The following EYA3 variants were observed in gnomAD, a reference collection of about 807,000 sequenced individuals.
EYA3 encodes EYA transcriptional coactivator and phosphatase 3.
A neutral mutation model predicts 80.0 loss-of-function variants in EYA3; 39 were observed. The ratio of observed to expected loss-of-function variants is 0.49; its 90% confidence interval spans 0.38 to 0.64. The LOEUF (loss-of-function observed/expected upper bound fraction) is 0.64, where lower values mean the gene tolerates loss of function less well. EYA3 is among the 30% of genes least tolerant of loss of function. The pLI, the probability that EYA3 is intolerant of heterozygous loss-of-function variation, is 0.00. For synonymous variants in EYA3, 206 were observed against 232.8 expected (o/e 0.88, Z 1.05); for missense variants, 523 against 676.1 (o/e 0.77, Z 2.51).
chr1:28,040,988 G>A (rs955525690), intron 4 of EYA3, among the ~76,000 whole-genome samples: 5 of 152,118 alleles, frequency 3.3e-5, no homozygotes, highest in African/African-American at 1.2e-4. Flanking sequence ...AAGTCCTTGG[G>A]GAAGGTAAAA....
In EYA3 at chr1:28,085,464, A is replaced by C. The variant is rs575488005; in HGVS notation, c.-69+3060T>G. On this transcript the variant is annotated intron_variant, in intron 1 of 17. Coordinates refer to ENST00000373871, the MANE Select transcript of EYA3 (RefSeq NM_001990.4). ...GTTTTGTTTTGTTTTTTGTCTCAAA[A>C]AAACAAACAAACAAACAAAAAACTA... is the stretch of plus-strand genomic sequence containing the variant. Among the ~76,000 whole-genome samples the C allele has an allele frequency of 2.1e-4, 32 of 152,306 alleles. 1 individual carries two copies. The highest frequency in any genetic ancestry group is 6.2e-4 in the South Asian group (3 of 4,818).
At chr1:28,053,153 C>CAAAAAA (rs34075939) in intron 2 of EYA3, among the ~76,000 whole-genome samples, 5 of 72,498 alleles carry the variant, frequency 6.9e-5, no homozygotes, top group Admixed American at 1.9e-4. Context: ...GACCCCGTCT[C>CAAAAAA]AAAAAAAAAA....
At chr1:28,059,446 T>C (rs188029873) in intron 1 of EYA3, among the ~76,000 whole-genome samples, 200 of 152,352 alleles carry the variant, frequency 1.3e-3, no homozygotes, top group African/African-American at 4.5e-3. Context: ...ATAGGAGCTA[T>C]CTTCCCTGCA....
At chr1:28,065,037 T>C (rs950206666) in intron 1 of EYA3, among the ~76,000 whole-genome samples, 1 of 152,234 alleles carries the variant, frequency 6.6e-6, no homozygotes, top group African/African-American at 2.4e-5. Flanking sequence ...TACAGTAGTC[T>C]CCCCTTCCAA....
intron 3 of EYA3, 108 bp from the exon 4 acceptor site, chr1:28,042,758 G>A: frequency 1.2e-6 from 1 of 831,428 alleles, no homozygotes; most frequent in Non-Finnish European, 2.0e-6. Context: ...AAGAGGCAAA[G>A]TAAATCTTCG....
intron 1 of EYA3, among the ~76,000 whole-genome samples, chr1:28,070,029 A>G (rs953972991): frequency 6.6e-6 from 1 of 152,212 alleles, no homozygotes; most frequent in Admixed American, 6.5e-5. Context: ...AGTCCTGCCA[A>G]CACCCTGATT....
At chr1:28,043,135 G>A (rs1044624735) in intron 3 of EYA3, among the ~76,000 whole-genome samples, 1 of 151,714 alleles carries the variant, frequency 6.6e-6, no homozygotes, top group African/African-American at 2.4e-5. Flanking sequence ...GAGCCACCAC[G>A]CCCAGTCTAC....
intron 16 of EYA3, among the ~76,000 whole-genome samples, chr1:27,981,034 C>T (rs971033473): frequency 6.6e-6 from 1 of 152,146 alleles, no homozygotes; most frequent in African/African-American, 2.4e-5. Context: ...CAGAGTGAGA[C>T]CCTGTCTCAA....
At chr1:27,984,876 C>G (rs1443390962) in intron 16 of EYA3, among the ~76,000 whole-genome samples, 1 of 152,054 alleles carries the variant, frequency 6.6e-6, no homozygotes, top group Non-Finnish European at 1.5e-5. Flanking sequence ...TCCAACTCTC[C>G]TTCCATTCTC....
chr1:28,067,005 C>CA (rs954876826), intron 1 of EYA3, among the ~76,000 whole-genome samples: 6 of 151,482 alleles, frequency 4.0e-5, no homozygotes, highest in Admixed American at 2.6e-4. Flanking sequence ...ATTAAGCTAC[C>CA]AAAAAAAATC....
chr1:28,023,934 T>A, intron 7 of EYA3, among the ~76,000 whole-genome samples: 1 of 152,112 alleles, frequency 6.6e-6, no homozygotes, highest in East Asian at 1.9e-4. Flanking sequence ...AAATCTAAAA[T>A]TATTAATAAA....
rs1644121181 is a variant in EYA3, at chr1:28,048,556, C to A, written c.34-130G>T. 5.5e-6 allele frequency: 3 copies of A among 544,564 alleles called. No homozygotes were observed. In the East Asian group the frequency reaches 9.5e-5, roughly 17 times the overall value. The allele number at this position is 544,564 out of a possible 1,614,324, so 33.7% of individuals were successfully genotyped here. ...TTTTGTTTAGTCTAGATTTAATTAACCCTTGTTATATTTTAGAGCTAGAAA... is the reference window on the plus strand; with the variant it reads ...TTTTGTTTAGTCTAGATTTAATTAAACCTTGTTATATTTTAGAGCTAGAAA... On this transcript the variant is annotated intron_variant, in intron 2 of 17. Coordinates refer to ENST00000373871, the MANE Select transcript of EYA3 (RefSeq NM_001990.4).
chr1:28,076,075 A>G (rs1227092639), intron 1 of EYA3, among the ~76,000 whole-genome samples: 1 of 152,188 alleles, frequency 6.6e-6, no homozygotes, highest in Non-Finnish European at 1.5e-5. Flanking sequence ...AACTTAGGCA[A>G]CAGCACAAAT....
intron 1 of EYA3, among the ~76,000 whole-genome samples, chr1:28,083,154 T>C (rs1292599761): frequency 6.6e-5 from 10 of 152,206 alleles, no homozygotes; most frequent in African/African-American, 2.2e-4. Flanking sequence ...CTTTGATAAC[T>C]AGTTGTGTTA....
At chr1:28,079,610 C>G (rs139791824) in intron 1 of EYA3, among the ~76,000 whole-genome samples, 1 of 152,046 alleles carries the variant, frequency 6.6e-6, no homozygotes, top group Non-Finnish European at 1.5e-5. Flanking sequence ...TTCAACCTCA[C>G]GATTCCAAAA....
At chr1:28,023,967 G>A (rs931472405) in intron 7 of EYA3, among the ~76,000 whole-genome samples, 8 of 152,296 alleles carry the variant, frequency 5.3e-5, no homozygotes, top group South Asian at 2.1e-4. Flanking sequence ...GGCCAGGCGC[G>A]GTGGCTCACA....
intron 2 of EYA3, among the ~76,000 whole-genome samples, chr1:28,049,346 C>G (rs564046335): frequency 6.6e-6 from 1 of 152,124 alleles, no homozygotes; most frequent in East Asian, 1.9e-4. Context: ...AAAATGTGTT[C>G]CATTCAATGT....
chr1:28,015,257 G>A (rs1355920332), intron 8 of EYA3, among the ~76,000 whole-genome samples: 1 of 152,224 alleles, frequency 6.6e-6, no homozygotes, highest in Non-Finnish European at 1.5e-5. Flanking sequence ...GCTCTGAGGA[G>A]ATTTTATTCA....
chr1:27,992,082 G>C (rs1640105516), intron 14 of EYA3, among the ~76,000 whole-genome samples: 1 of 152,290 alleles, frequency 6.6e-6, no homozygotes, highest in Admixed American at 6.5e-5. Context: ...TGGTATTAGA[G>C]AGCTGTAACT....
Sources: gnomAD v4.1 joint callset for allele counts (sites outside exome capture counted in the v4.1 genomes callset) on GRCh38, gnomAD v4.1.1 for gene constraint, MANE v1.5 for transcripts, NCBI Gene and HGNC (gene_info 2026-07-23, HGNC 2026-07-21) for gene names.